Variants in DCC observed in about 807,000 individuals in gnomAD.
DCC encodes the protein netrin receptor DCC.
A neutral mutation model predicts 172.5 loss-of-function variants in DCC; 58 were observed. The ratio of observed to expected loss-of-function variants is 0.34; its 90% CI spans 0.27 to 0.42. The LOEUF (loss-of-function observed/expected upper bound fraction) is 0.42. DCC is among the 10% of genes least tolerant of loss of function. DCC has a pLI of 1.00. For synonymous variants in DCC, 709 were observed against 644.5 expected (o/e 1.10, Z -1.52); for missense variants, 1,740 against 1,791.0 (o/e 0.97, Z 0.51).
intron 2 of DCC, among the ~76,000 whole-genome samples, chr18:52,903,998 A>G (rs376574724): frequency 2.6e-5 from 4 of 152,258 alleles, no homozygotes; most frequent in African/African-American, 7.2e-5. Context: ...TGGTAGATGC[A>G]GCACAGACAC....
At chr18:53,299,191 C>A (rs913439693) in intron 12 of DCC, among the ~76,000 whole-genome samples, 1 of 152,196 alleles carries the variant, frequency 6.6e-6, no homozygotes, top group East Asian at 1.9e-4. Context: ...GTATTTAAGA[C>A]TATGAGTTCT....
intron 15 of DCC, among the ~76,000 whole-genome samples, chr18:53,362,072 C>A (rs1159333592): frequency 1.3e-5 from 2 of 152,130 alleles, no homozygotes; most frequent in Non-Finnish European, 2.9e-5. Context: ...TATGTTACTT[C>A]ATGATGGTAA....
intron 5 of DCC, among the ~76,000 whole-genome samples, chr18:52,946,966 G>C (rs1310793397): frequency 6.6e-6 from 1 of 151,632 alleles, no homozygotes; most frequent in Admixed American, 6.6e-5. Flanking sequence ...ATTAAACACA[G>C]AATCTGACCA....
At chr18:52,506,927 A>G (rs1026828701) in intron 1 of DCC, among the ~76,000 whole-genome samples, 1 of 152,162 alleles carries the variant, frequency 6.6e-6, no homozygotes, top group Admixed American at 6.5e-5. Flanking sequence ...TATTTTAAAT[A>G]ATCGTATTTA....
chr18:52,798,599 A>T (rs2037922693), intron 2 of DCC, among the ~76,000 whole-genome samples: 1 of 152,182 alleles, frequency 6.6e-6, no homozygotes, highest in African/African-American at 2.4e-5. Flanking sequence ...AGCTACTCTA[A>T]TTGGCCAAAG....
rs144039532 is a variant in DCC, at chr18:52,525,108, G to A, written c.91+184230G>A. On this transcript the variant is annotated intron_variant, in intron 1 of 28. Transcript: ENST00000442544. ...ATATATATATCCTTACCATTCTCTC[G>A]TATTTAGGAGGCAATTAATCAACAT... 3.8e-3 allele frequency among the ~76,000 whole-genome samples: 577 copies of A among 151,338 alleles called. 6 individuals carry two copies. The highest frequency in any genetic ancestry group is 0.013 in the African/African-American group (551 of 41,208).
At chr18:52,557,420 CAA>C (rs1456855961) in intron 1 of DCC, among the ~76,000 whole-genome samples, 1 of 152,166 alleles carries the variant, frequency 6.6e-6, no homozygotes, top group Non-Finnish European at 1.5e-5. Context: ...ATGATTGACA[CAA>C]GTCTGGCAGG....
At chr18:52,447,184 A>G (rs1160484843) in intron 1 of DCC, among the ~76,000 whole-genome samples, 1 of 152,218 alleles carries the variant, frequency 6.6e-6, no homozygotes. Flanking sequence ...TGGCACCTTC[A>G]TGATAAAGAT....
intron 23 of DCC, 102 bp from the exon 24 acceptor site, chr18:53,459,130 C>G (rs2045518109): frequency 5.1e-6 from 5 of 986,302 alleles, no homozygotes; most frequent in Admixed American, 1.9e-5. Flanking sequence ...TCTGCGAGTC[C>G]TTTTGTTTCC....
intron 5 of DCC, among the ~76,000 whole-genome samples, chr18:52,948,144 T>C (rs1371788785): frequency 6.6e-6 from 1 of 152,218 alleles, no homozygotes; most frequent in Non-Finnish European, 1.5e-5. Flanking sequence ...TGATTCAGGA[T>C]ATATATTTTC....
At chr18:52,802,791 C>A (rs2038017654) in intron 2 of DCC, among the ~76,000 whole-genome samples, 1 of 150,552 alleles carries the variant, frequency 6.6e-6, no homozygotes, top group South Asian at 2.1e-4. Context: ...CAGACAGGCG[C>A]TACTGTAGCC....
Position 53,276,097 on chromosome 18 carries a change from C to T in DCC, c.1912-29481C>T, listed in dbSNP as rs561875150. ...TTAATAAAAAATTAGAATATGTTTG[C>T]TAGGATAGTTATGAAATAGGCTAAT... On this transcript the variant is annotated intron_variant, in intron 12 of 28. Transcript: ENST00000442544. Among the ~76,000 whole-genome samples the T allele has an allele frequency of 9.2e-5, 14 of 152,146 alleles. No individual in the cohort carries two copies. The East Asian group carries it at 2.5e-3, about 27-fold the overall frequency.
intron 1 of DCC, among the ~76,000 whole-genome samples, chr18:52,582,549 G>T (rs377452644): frequency 6.6e-6 from 1 of 152,098 alleles, no homozygotes; most frequent in Non-Finnish European, 1.5e-5. Flanking sequence ...TGAAGTTTTG[G>T]TCACCAGCTC....
chr18:53,489,712 T>G (rs2144379576), intron 26 of DCC, among the ~76,000 whole-genome samples: 1 of 152,242 alleles, frequency 6.6e-6, no homozygotes, highest in Middle Eastern at 3.4e-3. Context: ...AAGGCACAAA[T>G]AAAGCTGAAT....
intron 5 of DCC, among the ~76,000 whole-genome samples, chr18:52,954,666 C>A (rs1383094799): frequency 1.3e-5 from 2 of 152,106 alleles, no homozygotes; most frequent in African/African-American, 4.8e-5. Context: ...AAATTTCTTA[C>A]AACTGATTAT....
intron 5 of DCC, among the ~76,000 whole-genome samples, chr18:52,971,535 A>G (rs922638969): frequency 2.6e-5 from 4 of 151,808 alleles, no homozygotes; most frequent in African/African-American, 9.7e-5. Flanking sequence ...ACACGCACGC[A>G]CACACACAAA....
intron 1 of DCC, among the ~76,000 whole-genome samples, chr18:52,568,744 G>A (rs938807786): frequency 2.0e-5 from 3 of 152,124 alleles, no homozygotes; most frequent in Non-Finnish European, 2.9e-5. Context: ...AAAAGCACAG[G>A]TGAGCTGCGA....
chr18:52,911,296 A>G (rs1330750596), intron 3 of DCC, among the ~76,000 whole-genome samples: 1 of 152,062 alleles, frequency 6.6e-6, no homozygotes, highest in African/African-American at 2.4e-5. Context: ...ATGAACATAG[A>G]CAAGGAACTA....
intron 21 of DCC, among the ~76,000 whole-genome samples, chr18:53,432,995 A>G (rs1456307850): frequency 6.6e-6 from 1 of 152,074 alleles, no homozygotes; most frequent in Non-Finnish European, 1.5e-5. Context: ...GGTGACATCA[A>G]CTTTTTAAAA....
Sources: allele counts gnomAD v4.1 joint callset (sites outside exome capture counted in the v4.1 genomes callset), GRCh38; gene constraint gnomAD v4.1.1; transcripts MANE v1.5; gene names NCBI Gene and HGNC (gene_info 2026-07-23, HGNC 2026-07-21).